Variants in AFF3 observed in about 807,000 individuals in gnomAD.
AFF3 encodes the protein ALF transcription elongation factor 3, also known as AF4/FMR2 family member 3.
A neutral mutation model predicts 129.7 loss-of-function variants in AFF3; 32 were observed. The observed-to-expected ratio is 0.25, with a 90% CI of 0.19 to 0.33. The LOEUF is 0.33. Ranked by LOEUF, AFF3 falls within the 10% of genes least tolerant of loss-of-function variation. AFF3 has a pLI of 1.00. For synonymous variants in AFF3, 644 were observed against 635.4 expected, an observed-to-expected ratio of 1.01 and a Z score of -0.20; for missense variants, 1,373 against 1,592.0, an observed-to-expected ratio of 0.86 and a Z score of 2.34.
At position 100,007,000 on chromosome 2, in the gene AFF3, T is replaced by C. The variant is rs2104736851; in HGVS notation, c.505A>G (p.Arg169Gly). The C allele has an allele frequency of 6.2e-7, 1 of 1,610,894 alleles. No individual in the cohort carries two copies. Among genetic ancestry groups the C allele is most frequent in the Non-Finnish European group, 8.5e-7 (1 of 1,177,820 alleles). Residue 169 changes from arginine to glycine, a missense_variant, in exon 7 of 25, where the codon AGG (arginine) becomes GGG (glycine). By Grantham distance (125) the Arg-to-Gly change is moderately radical (BLOSUM62 -2). Coordinates refer to ENST00000672756, the MANE Select transcript of AFF3 (RefSeq NM_001386135.1). ...CCAACACCATCTCCAAGCAAGGTCC[T>C]GAGAGAGCCCTGTTGTGCTGAGTTG... ...QQRATQQGSL[R>G]TLLGDGVGRQ... is the part of the protein sequence containing the mutation.
intron 11 of AFF3, among the ~76,000 whole-genome samples, chr2:99,700,159 C>G (rs375979959): frequency 6.6e-6 from 1 of 151,172 alleles, no homozygotes; most frequent in Admixed American, 6.6e-5. Context: ...CTCGCTCTGT[C>G]GCCCAGGCTG....
At chr2:99,766,624 C>G (rs1683044080) in intron 8 of AFF3, among the ~76,000 whole-genome samples, 2 of 151,720 alleles carry the variant, frequency 1.3e-5, no homozygotes, top group African/African-American at 2.4e-5. Context: ...TTAAAACATT[C>G]CCCCCCAAAA....
intron 11 of AFF3, among the ~76,000 whole-genome samples, chr2:99,697,628 T>C (rs1467908340): frequency 6.6e-6 from 1 of 152,224 alleles, no homozygotes; most frequent in Non-Finnish European, 1.5e-5. Context: ...AAGAGGAAAA[T>C]AGATCCTGGT....
intron 8 of AFF3, among the ~76,000 whole-genome samples, chr2:99,827,671 A>G (rs985584910): frequency 3.3e-5 from 5 of 151,970 alleles, no homozygotes; most frequent in African/African-American, 1.2e-4. Context: ...ATATATATAC[A>G]CACACATACA....
chr2:99,759,726 A>G lies in AFF3; in HGVS notation c.922-7425T>C, dbSNP rs149507965. Among the ~76,000 whole-genome samples, 105 of 152,396 alleles carry G rather than the reference A, an allele frequency of 6.9e-4. 1 individual carries two copies. Among genetic ancestry groups the G allele is most frequent in the African/African-American group, 2.4e-3 (100 of 41,606 alleles). ...AATACATTTATAATGTAATGCAAAT[A>G]CAAAATATGTAATATACATACAAAA... On this transcript the variant is annotated intron_variant, in intron 8 of 24. Coordinates refer to ENST00000672756, the MANE Select transcript of AFF3 (RefSeq NM_001386135.1).
At chr2:100,056,347 G>A (rs1238768965) in intron 4 of AFF3, among the ~76,000 whole-genome samples, 2 of 152,102 alleles carry the variant, frequency 1.3e-5, no homozygotes, top group Non-Finnish European at 2.9e-5. Context: ...GTTCACAAAC[G>A]TCTGCTTAAT....
chr2:99,908,336 T>A (rs1383917435), intron 7 of AFF3, among the ~76,000 whole-genome samples: 1 of 152,140 alleles, frequency 6.6e-6, no homozygotes. Context: ...TCAAGATGGA[T>A]TAAAGACTTA....
At chr2:99,805,052 A>G (rs1011100072) in intron 8 of AFF3, among the ~76,000 whole-genome samples, 1 of 152,186 alleles carries the variant, frequency 6.6e-6, no homozygotes, top group Admixed American at 6.5e-5. Context: ...TCTTGTAACC[A>G]AAAACCACTT....
At chr2:99,816,487 C>T (rs760608850) in intron 8 of AFF3, among the ~76,000 whole-genome samples, 3 of 152,172 alleles carry the variant, frequency 2.0e-5, no homozygotes, top group South Asian at 2.1e-4. Flanking sequence ...GATGAGGATG[C>T]CTTCCTCCTC....
At chr2:99,886,661 T>C (rs984021066) in intron 7 of AFF3, among the ~76,000 whole-genome samples, 2 of 152,160 alleles carry the variant, frequency 1.3e-5, no homozygotes, top group South Asian at 2.1e-4. Flanking sequence ...ATGGTCTATA[T>C]ACCACGCTTC....
At chr2:99,573,222 C>T (rs574815639) in intron 18 of AFF3, among the ~76,000 whole-genome samples, 7 of 152,192 alleles carry the variant, frequency 4.6e-5, no homozygotes, top group African/African-American at 1.7e-4. Flanking sequence ...GTCTCCGCAC[C>T]CTGTCCCCCG....
At chr2:99,947,243 C>A (rs1675659537) in intron 7 of AFF3, among the ~76,000 whole-genome samples, 1 of 152,006 alleles carries the variant, frequency 6.6e-6, no homozygotes, top group African/African-American at 2.4e-5. Flanking sequence ...GAGTTCGAGA[C>A]CAGTCTGGCC....
At chr2:99,681,478 T>A (rs773071928) in intron 11 of AFF3, among the ~76,000 whole-genome samples, 8 of 152,242 alleles carry the variant, frequency 5.3e-5, no homozygotes, top group Non-Finnish European at 8.8e-5. Context: ...GAATGTTCCG[T>A]GTTCCCTCAA....
intron 7 of AFF3, among the ~76,000 whole-genome samples, chr2:99,999,812 G>C (rs756366636): frequency 4.6e-4 from 70 of 152,166 alleles, no homozygotes; most frequent in Non-Finnish European, 3.1e-4. Flanking sequence ...CCAGCAAATG[G>C]AGTGAAGAAA....
intron 4 of AFF3, among the ~76,000 whole-genome samples, chr2:100,018,881 G>C (rs961216161): frequency 6.6e-6 from 1 of 152,044 alleles, no homozygotes; most frequent in African/African-American, 2.4e-5. Flanking sequence ...GCTTTTCATG[G>C]GAGAGCCAAT....
At chr2:99,827,805 C>T (rs1405185391) in intron 8 of AFF3, among the ~76,000 whole-genome samples, 3 of 152,116 alleles carry the variant, frequency 2.0e-5, no homozygotes, top group South Asian at 2.1e-4. Flanking sequence ...GTGCTCACTC[C>T]TGTGCTGGCT....
At chr2:99,909,410 G>C (rs184438489) in intron 7 of AFF3, among the ~76,000 whole-genome samples, 8 of 102,594 alleles carry the variant, frequency 7.8e-5, no homozygotes, top group South Asian at 4.6e-4. Context: ...CTGGAGGGAG[G>C]GGGGAGGGAT....
intron 7 of AFF3, among the ~76,000 whole-genome samples, chr2:99,969,044 G>C (rs940505111): frequency 6.6e-6 from 1 of 152,198 alleles, no homozygotes; most frequent in Non-Finnish European, 1.5e-5. Context: ...ACTGACTTCT[G>C]CCCCACACTC....
chr2:100,133,232 C>T (rs1692497560), intron 1 of AFF3, among the ~76,000 whole-genome samples: 1 of 151,652 alleles, frequency 6.6e-6, no homozygotes, highest in Admixed American at 6.6e-5. Context: ...CCACTGCACT[C>T]CAGCCTGGGT....
Sources: allele counts gnomAD v4.1 joint callset (sites outside exome capture counted in the v4.1 genomes callset), GRCh38; gene constraint gnomAD v4.1.1; transcripts MANE v1.5; gene names NCBI Gene and HGNC (gene_info 2026-07-23, HGNC 2026-07-21).